Variants in DKK3 observed in about 807,000 individuals in gnomAD.
DKK3 encodes the protein dickkopf-related protein 3.
Under a neutral mutation model 33.2 loss-of-function variants are expected in DKK3, and 22 were observed. That is an observed-to-expected ratio of 0.66 (90% confidence interval 0.47 to 0.95). The LOEUF (loss-of-function observed/expected upper bound fraction) is 0.95. Among genes scored for constraint, DKK3 ranks in the 40% least tolerant of loss-of-function variants. The pLI is 0.00. For synonymous variants in DKK3, 194 were observed against 188.8 expected (o/e 1.03, Z -0.23); for missense variants, 398 against 458.4 (o/e 0.87, Z 1.20).
chr11:12,001,511 AG>A (rs1251578097), intron 2 of DKK3, among the ~76,000 whole-genome samples: 1 of 152,144 alleles, frequency 6.6e-6, no homozygotes, highest in Non-Finnish European at 1.5e-5. Context: ...AGATGAGCTG[AG>A]GGGGCAGGCT....
At chr11:12,007,042 A>G (rs1848551032) in intron 1 of DKK3, among the ~76,000 whole-genome samples, 1 of 152,176 alleles carries the variant, frequency 6.6e-6, no homozygotes. Context: ...AAACAGAAAG[A>G]TCATGGGTCT....
chr11:11,998,717 G>A lies in DKK3; in HGVS notation c.414C>T (p.Asp138=), dbSNP rs762986642. Residue 138 remains aspartate (D), a synonymous_variant, in exon 3 of 7, where the codon GAC becomes GAT. Coordinates refer to ENST00000683431, the MANE Select transcript of DKK3 (RefSeq NM_001018057.2). The stretch of plus-strand genomic sequence containing the variant: ...TTACGTGGCTCCTTCTGCCTTCTTC[G>A]TCTCCCACAGATGTGATAACTGTCT... ...FSETVITSVG[D]EEGRRSHECI... is the part of the protein sequence containing the mutation. 27 of 1,613,994 alleles carry A rather than the reference G, an allele frequency of 1.7e-5. No homozygotes were observed. The highest frequency in any genetic ancestry group is 4.5e-5 in the East Asian group (2 of 44,900).
chr11:11,964,728 C>A, intron 6 of DKK3, 42 bp from the exon 7 acceptor site: 1 of 1,582,522 alleles, frequency 6.3e-7, no homozygotes, highest in Non-Finnish European at 8.6e-7. Context: ...AACGTGGGAG[C>A]CTGCCCAGGC....
chr11:11,978,335 C>T (rs930256834), intron 3 of DKK3, among the ~76,000 whole-genome samples: 5 of 152,150 alleles, frequency 3.3e-5, no homozygotes, highest in South Asian at 2.1e-4. Context: ...TACCCACTCA[C>T]GACCCCAGAT....
intron 3 of DKK3, among the ~76,000 whole-genome samples, chr11:11,978,177 G>A (rs1254133817): frequency 6.6e-6 from 1 of 152,196 alleles, no homozygotes. Context: ...GCCTTGAGCA[G>A]GAGAAGGTTG....
At chr11:11,997,115 A>G (rs950395443) in intron 3 of DKK3, among the ~76,000 whole-genome samples, 2 of 152,248 alleles carry the variant, frequency 1.3e-5, no homozygotes, top group African/African-American at 2.4e-5. Flanking sequence ...CATGGGATGC[A>G]CATGTGGCAG....
intron 3 of DKK3, among the ~76,000 whole-genome samples, chr11:11,976,990 C>T (rs1450817310): frequency 1.3e-5 from 2 of 152,196 alleles, no homozygotes; most frequent in Non-Finnish European, 2.9e-5. Flanking sequence ...GGGCTCTAGC[C>T]TGACCCGCTG....
upstream of DKK3, chr11:12,009,178 T>C (rs931494741): frequency 1.7e-5 from 17 of 983,060 alleles, no homozygotes; most frequent in Middle Eastern, 5.2e-4. Context: ...CCACCCCGAC[T>C]GGACCGAGTT....
At position 11,993,978 on chromosome 11, in the gene DKK3, T is replaced by C. The variant is rs144016344; in HGVS notation, c.435+4718A>G. Among the ~76,000 whole-genome samples, 369 of 152,204 alleles carry C rather than the reference T, an allele frequency of 2.4e-3. 2 individuals are homozygous for C. Among genetic ancestry groups the C allele is most frequent in the Middle Eastern group, 6.8e-3 (2 of 294 alleles). ...ATCCCCAATCCTCAACCTAGACATA[T>C]AGGACAGGCACGGTTAGGAACAACA... On this transcript the variant is annotated intron_variant, in intron 3 of 6. Coordinates refer to ENST00000683431, the MANE Select transcript of DKK3 (RefSeq NM_001018057.2).
chr11:12,005,475 A>G (rs995944168), intron 1 of DKK3, among the ~76,000 whole-genome samples: 2 of 152,226 alleles, frequency 1.3e-5, no homozygotes, highest in African/African-American at 4.8e-5. Flanking sequence ...GGGAAGAGAA[A>G]CAGAGTGGTT....
intron 3 of DKK3, 32 bp downstream of exon 3, chr11:11,998,664 G>A (rs748537627): frequency 3.4e-5 from 54 of 1,578,860 alleles, no homozygotes; most frequent in East Asian, 4.5e-5. Flanking sequence ...TGAGTGTGTC[G>A]GGGTGCAAGT....
Position 11,964,661 on chromosome 11 carries a change from G to C in DKK3, c.856C>G (p.Pro286Ala). 6.2e-7 allele frequency: 1 copy of C among 1,614,020 alleles called. No individual in the cohort carries two copies. Among genetic ancestry groups the C allele is most frequent in the Admixed American group, 1.7e-5 (1 of 60,014 alleles). The part of the protein sequence containing the change: ...HSHSLVYVCK[P>A]TFVGSRDQDG... ...TGGTCACGGCTCCCCACGAAGGTCG[G>C]CTTGCACACATACACCAGGCTGTGG... The change falls in exon 7 of 7, where the codon CCG becomes GCG. Residue 286 changes from proline to alanine, a missense_variant. Pro to Ala is a conservative substitution (Grantham distance 27). Transcript: ENST00000683431.
chr11:12,002,637 C>T (rs1455928159), intron 1 of DKK3, among the ~76,000 whole-genome samples, 200 bp from the exon 2 acceptor site: 2 of 152,114 alleles, frequency 1.3e-5, no homozygotes, highest in African/African-American at 2.4e-5. Flanking sequence ...ATTTCACAAT[C>T]TCTCTGGGAG....
chr11:12,002,160 T>C (rs933717814), intron 2 of DKK3, 140 bp downstream of exon 2: 2 of 949,836 alleles, frequency 2.1e-6, no homozygotes, highest in Non-Finnish European at 3.0e-6. Context: ...TTACTCCTTC[T>C]GGTTTTCAAT....
chr11:11,995,379 C>T (rs1848270457), intron 3 of DKK3, among the ~76,000 whole-genome samples: 1 of 152,144 alleles, frequency 6.6e-6, no homozygotes, highest in Non-Finnish European at 1.5e-5. Flanking sequence ...GCCACTGTAC[C>T]CAGCCTTCCA....
At chr11:12,003,645 C>G (rs376659601) in intron 1 of DKK3, among the ~76,000 whole-genome samples, 20 of 152,116 alleles carry the variant, frequency 1.3e-4, no homozygotes, top group African/African-American at 4.8e-4. Flanking sequence ...GATACTCTCT[C>G]TAGGAATTTC....
intron 3 of DKK3, among the ~76,000 whole-genome samples, chr11:11,985,514 C>G (rs750852430): frequency 4.6e-5 from 7 of 152,198 alleles, no homozygotes; most frequent in Non-Finnish European, 8.8e-5. Flanking sequence ...ACCAGACATT[C>G]CATTACTATT....
chr11:12,008,562 G>C lies in DKK3; in HGVS notation c.21C>G (p.Thr7=). The C allele has an allele frequency of 6.6e-7, 1 of 1,514,852 alleles. No homozygotes were observed. Among genetic ancestry groups the C allele is most frequent in the Non-Finnish European group, 8.8e-7 (1 of 1,139,260 alleles). The allele number at this position is 1,514,852 out of a possible 1,614,324, so 93.8% of individuals were successfully genotyped here. The change falls in exon 1 of 7, where the codon ACC becomes ACG. Residue 7 remains threonine, a synonymous_variant. Transcript: ENST00000683431. The surrounding 1 kb of genome is among the most constrained non-coding windows in gnomAD (Gnocchi z 4.6). The stretch of plus-strand genomic sequence containing the variant: ...CCGCCGCCAGCAGCAGGCACAGCAG[G>C]GTGGCCCCAAGCCGCTGCATCTCCG... The part of the protein sequence containing the change: MQRLGA[T]LLCLLLAAAV...
chr11:11,992,123 T>C (rs148758166), intron 3 of DKK3, among the ~76,000 whole-genome samples: 38 of 152,344 alleles, frequency 2.5e-4, no homozygotes, highest in African/African-American at 9.1e-4. Flanking sequence ...TAGCCAAGGA[T>C]TGGGCTACCA....
Sources: gnomAD v4.1 joint callset for allele counts (sites outside exome capture counted in the v4.1 genomes callset) on GRCh38, gnomAD v4.1.1 for gene constraint, Gnocchi (gnomAD v3.1) non-coding constraint, MANE v1.5 for transcripts, NCBI Gene and HGNC (gene_info 2026-07-23, HGNC 2026-07-21) for gene names.